TRIM39: variants seen among roughly 807,000 people sequenced by gnomAD.
The protein encoded by TRIM39 is tripartite motif containing 39, also known as E3 ubiquitin-protein ligase TRIM39.
A neutral mutation model predicts 53.6 loss-of-function variants in TRIM39; 5 were observed. The ratio of observed to expected loss-of-function variants is 0.09; its 90% CI spans 0.05 to 0.20. The LOEUF (loss-of-function observed/expected upper bound fraction) is 0.20, where lower values mean the gene tolerates loss of function less well. Among genes scored for constraint, TRIM39 ranks in the 10% least tolerant of loss-of-function variants. The pLI is 1.00. For missense variants in TRIM39, 310 were observed against 621.0 expected (o/e 0.50, Z 5.32); for synonymous variants, 196 against 237.6 (o/e 0.82, Z 1.61).
exon 3 of TRIM39, chr6:30,329,442 T>C (rs1785851632): frequency 1.9e-6 from 3 of 1,612,928 alleles, no homozygotes; most frequent in Middle Eastern, 1.6e-4. Context: ...CCTGTCATCA[T>C]TGAGTGTGGG....
At chr6:30,341,808 T>G in exon 8 of TRIM39, 1 of 1,612,998 alleles carries the variant, frequency 6.2e-7, no homozygotes, top group Non-Finnish European at 8.5e-7. Flanking sequence ...CTCCGGGATC[T>G]CCCTGACACA....
chr6:30,338,370 A>T lies in TRIM39; in HGVS notation c.781-1538A>T, dbSNP rs754701116. ...CATGTGATTCTTCTTTCACATGAAC[A>T]CTTAGAGGCCATTGCAGGATTATTA... On this transcript the variant is annotated intron_variant, in intron 5 of 7. Coordinates refer to ENST00000396551, the Ensembl canonical transcript of TRIM39. This position sits in a 1 kb window ranked among gnomAD's most constrained non-coding sequence, Gnocchi z 4.0. Among the ~76,000 whole-genome samples the T allele has an allele frequency of 2.0e-5, 3 of 151,972 alleles. No homozygotes were observed. Among genetic ancestry groups the T allele is most frequent in the Non-Finnish European group, 4.4e-5 (3 of 68,000 alleles).
At position 30,339,335 on chromosome 6, in the gene TRIM39, G is replaced by A. The variant is rs2127408741; in HGVS notation, c.781-573G>A. The stretch of plus-strand genomic sequence containing the variant: ...GGCTAATTTTTGTATTTTTAGTAAA[G>A]ACAGGGTTTCACCATGTTGGCTAGG... On this transcript the variant is annotated intron_variant, in intron 5 of 7. Transcript: ENST00000396551. The surrounding 1 kb of genome is among the most constrained non-coding windows in gnomAD (Gnocchi z 4.2). 6.6e-6 allele frequency among the ~76,000 whole-genome samples: 1 copy of A among 152,178 alleles called. No individual in the cohort carries two copies. The highest frequency in any genetic ancestry group is 1.5e-5 in the Non-Finnish European group (1 of 67,994).
chr6:30,329,645 C>A, exon 3 of TRIM39: 1 of 1,613,120 alleles, frequency 6.2e-7, no homozygotes, highest in Non-Finnish European at 8.5e-7. Flanking sequence ...CTGCCCCCAA[C>A]ACCATGAGGC....
At chr6:30,341,307 C>A in intron 7 of TRIM39, 1 of 477,282 alleles carries the variant, frequency 2.1e-6, no homozygotes, top group South Asian at 1.7e-5. Flanking sequence ...CTGGAAAACA[C>A]ACATGGTCAC....
chr6:30,342,374 G>A lies in TRIM39; in HGVS notation c.*115G>A. The stretch of plus-strand genomic sequence containing the variant: ...CCTGGGTCCAGTCCTGAATCATCTT[G>A]GAGAAACACCTTGGTTTCTAGGATG... On this transcript the variant is annotated 3_prime_UTR_variant, in exon 8 of 8. Coordinates refer to ENST00000396551, the Ensembl canonical transcript of TRIM39. The surrounding 1 kb of genome is among the most constrained non-coding windows in gnomAD (Gnocchi z 4.7). 5.4e-6 allele frequency: 6 copies of A among 1,115,500 alleles called. No homozygotes were observed. The highest frequency in any genetic ancestry group is 7.8e-6 in the Non-Finnish European group (6 of 773,238). 69.1% of individuals were successfully genotyped at this position (1,115,500 alleles called of 1,614,324 possible). A position where few individuals can be genotyped will look rare whatever the true frequency, so the allele number is the denominator to read the frequency against.
chr6:30,327,821 C>T (rs1204840561), intron 1 of TRIM39: 1 of 152,350 alleles, frequency 6.6e-6, no homozygotes, highest in African/African-American at 2.4e-5. Context: ...AGAAGAAATT[C>T]AAATCCAAAG....
intron 6 of TRIM39, 64 bp from the exon 7 acceptor site, chr6:30,340,441 G>A (rs1787373304): frequency 6.2e-7 from 1 of 1,610,414 alleles, no homozygotes; most frequent in South Asian, 1.1e-5. Flanking sequence ...CATCTGAATA[G>A]TCACTTGGCT....
intron 4 of TRIM39, among the ~76,000 whole-genome samples, chr6:30,333,575 A>G (rs1030442516): frequency 2.4e-4 from 36 of 151,206 alleles, no homozygotes; most frequent in African/African-American, 7.5e-4. Context: ...GTTATCCAGG[A>G]TGGTCTCGAT....
Position 30,342,334 on chromosome 6 carries a change from A to T in TRIM39, c.*75A>T. ...GGCCTCCTTCCCGTGTCCTGCTGGAACGTCTTCGTGTCCACCTGGGTCCAG... is the reference window on the plus strand; with the variant it reads ...GGCCTCCTTCCCGTGTCCTGCTGGATCGTCTTCGTGTCCACCTGGGTCCAG... On this transcript the variant is annotated 3_prime_UTR_variant, in exon 8 of 8. Coordinates refer to ENST00000396551, the Ensembl canonical transcript of TRIM39. This position sits in a 1 kb window ranked among gnomAD's most constrained non-coding sequence, Gnocchi z 4.7. The T allele has an allele frequency of 6.7e-7, 1 of 1,495,398 alleles. No homozygotes were observed. Among genetic ancestry groups the T allele is most frequent in the Non-Finnish European group, 9.2e-7 (1 of 1,090,350 alleles). 92.6% of individuals were successfully genotyped at this position (1,495,398 alleles called of 1,614,324 possible). A position where few individuals can be genotyped will look rare whatever the true frequency, so the allele number is the denominator to read the frequency against.
At chr6:30,343,062 T>C (rs1389523356) in exon 8 of TRIM39, 1 of 152,608 alleles carries the variant, frequency 6.6e-6, no homozygotes, top group African/African-American at 2.4e-5. Context: ...GTGGAAGAGA[T>C]CCTGCAAGAC....
chr6:30,341,921 G>A, exon 8 of TRIM39: 1 of 1,613,112 alleles, frequency 6.2e-7, no homozygotes, highest in Non-Finnish European at 8.5e-7. Context: ...CCACTGGGCA[G>A]TGGGTGTATG....
chr6:30,327,680 A>G (rs1254417414), intron 1 of TRIM39: 1 of 152,214 alleles, frequency 6.6e-6, no homozygotes, highest in Non-Finnish European at 1.5e-5. Flanking sequence ...CTGTGCATAC[A>G]GTTCTACTCG....
chr6:30,327,753 C>G (rs1156493569), intron 1 of TRIM39: 1 of 152,230 alleles, frequency 6.6e-6, no homozygotes, highest in Non-Finnish European at 1.5e-5. Context: ...CACCACAAGT[C>G]AAAGTTGGAT....
chr6:30,327,186 C>T (rs1460809588), intron 1 of TRIM39, 191 bp downstream of exon 1: 2 of 152,680 alleles, frequency 1.3e-5, no homozygotes, highest in African/African-American at 2.4e-5. Flanking sequence ...CGTTGCTTGG[C>T]TACCCCGCCG....
At chr6:30,336,564 G>C (rs1786885132) in intron 5 of TRIM39, among the ~76,000 whole-genome samples, 1 of 152,212 alleles carries the variant, frequency 6.6e-6, no homozygotes, top group South Asian at 2.1e-4. Context: ...CTTAAAATAA[G>C]ACAACGACGA....
intron 3 of TRIM39, among the ~76,000 whole-genome samples, chr6:30,330,207 T>C (rs1028181519): frequency 2.0e-5 from 3 of 152,194 alleles, no homozygotes; most frequent in African/African-American, 7.2e-5. Context: ...ACCATTCAAT[T>C]GTTTGCAGCT....
chr6:30,337,587 G>A lies in TRIM39; in HGVS notation c.780+1612G>A, dbSNP rs140382640. 6.0e-3 allele frequency among the ~76,000 whole-genome samples: 908 copies of A among 152,264 alleles called. 2 individuals carry two copies. Among genetic ancestry groups the A allele is most frequent in the Middle Eastern group, 0.031 (9 of 294 alleles). ...TAATTAAAAACATTCAGTATACCAT[G>A]CTGTATACAGGTGTACTGTCATGTA... On this transcript the variant is annotated intron_variant, in intron 5 of 7. Coordinates refer to ENST00000396551, the Ensembl canonical transcript of TRIM39.
intron 4 of TRIM39, among the ~76,000 whole-genome samples, chr6:30,333,262 A>G (rs1292944445): frequency 2.6e-5 from 4 of 151,790 alleles, no homozygotes; most frequent in African/African-American, 9.7e-5. Context: ...TTGCTGAAAA[A>G]TTCACGTATA....
Sources: allele counts gnomAD v4.1 joint callset (sites outside exome capture counted in the v4.1 genomes callset), GRCh38; gene constraint gnomAD v4.1.1; non-coding constraint Gnocchi (gnomAD v3.1); transcripts MANE v1.5; gene names NCBI Gene and HGNC (gene_info 2026-07-23, HGNC 2026-07-21).